The following THSD7A variants were observed in gnomAD, a reference collection of about 807,000 sequenced individuals.
THSD7A encodes thrombospondin type 1 domain containing 7A, also known as thrombospondin type-1 domain-containing protein 7A.
A neutral mutation model predicts 231.3 loss-of-function variants in THSD7A; 96 were observed. The observed-to-expected ratio is 0.41, with a 90% confidence interval of 0.35 to 0.49. The LOEUF (loss-of-function observed/expected upper bound fraction) is 0.49. THSD7A is among the 20% of genes least tolerant of loss of function. THSD7A has a pLI of 0.05. For synonymous variants in THSD7A, 940 were observed against 743.3 expected (o/e 1.26, Z -4.30); for missense variants, 2,290 against 2,070.2 (o/e 1.11, Z -2.06).
At chr7:11,633,178 A>G (rs1287598367) in intron 2 of THSD7A, among the ~76,000 whole-genome samples, 1 of 152,036 alleles carries the variant, frequency 6.6e-6, no homozygotes, top group African/African-American at 2.4e-5. Flanking sequence ...AGAAAACCAT[A>G]TTTCCTTTAA....
At chr7:11,483,416 G>A (rs367812383) in intron 6 of THSD7A, among the ~76,000 whole-genome samples, 12 of 151,932 alleles carry the variant, frequency 7.9e-5, no homozygotes, top group East Asian at 5.8e-4. Flanking sequence ...AGTAAAGAAG[G>A]CTCATTAAAA....
In THSD7A at chr7:11,406,374, CAGA is replaced by C; in HGVS notation, c.4160_4162del (p.Phe1387del). 1.9e-6 allele frequency: 3 copies of C among 1,613,962 alleles called. No individual in the cohort carries two copies. The highest frequency in any genetic ancestry group is 2.5e-6 in the Non-Finnish European group (3 of 1,179,848). On this transcript the variant is annotated inframe_deletion, in exon 22 of 28. Coordinates refer to ENST00000423059, the MANE Select transcript of THSD7A (RefSeq NM_015204.3). The surrounding 1 kb of genome is among the most constrained non-coding windows in gnomAD (Gnocchi z 4.7). ...ATCTATAATGAGTTCAATGTCAGCACAGAATTCCTCATCCACCACTTTGCTGAA... is the reference window on the plus strand; with the variant it reads ...ATCTATAATGAGTTCAATGTCAGCACATTCCTCATCCACCACTTTGCTGAA...
At chr7:11,600,797 C>A (rs1013964288) in intron 2 of THSD7A, among the ~76,000 whole-genome samples, 2 of 152,210 alleles carry the variant, frequency 1.3e-5, no homozygotes, top group Non-Finnish European at 2.9e-5. Context: ...CATGTTCAAT[C>A]TTCTTAATCC....
chr7:11,692,984 T>C (rs2128142448), intron 1 of THSD7A, among the ~76,000 whole-genome samples: 1 of 151,646 alleles, frequency 6.6e-6, no homozygotes, highest in South Asian at 2.1e-4. Context: ...TATCTCATGC[T>C]ATAAGGTTTT....
chr7:11,624,541 A>G (rs895017977), intron 2 of THSD7A, among the ~76,000 whole-genome samples: 1 of 152,104 alleles, frequency 6.6e-6, no homozygotes, highest in Admixed American at 6.6e-5. Flanking sequence ...ACCATACCCT[A>G]CTTAGGTAAG....
intron 1 of THSD7A, among the ~76,000 whole-genome samples, chr7:11,655,679 A>G (rs1782676256): frequency 6.6e-6 from 1 of 151,896 alleles, no homozygotes; most frequent in Non-Finnish European, 1.5e-5. Flanking sequence ...GACCACCTCC[A>G]TATATCTTTT....
chr7:11,752,265 A>T (rs79873245), intron 1 of THSD7A, among the ~76,000 whole-genome samples: 7,594 of 152,078 alleles, frequency 0.05, 211 homozygotes, highest in East Asian at 0.14. Context: ...TTTCAGTCTC[A>T]TGCACAAACA....
At chr7:11,647,601 T>G (rs989254402) in intron 1 of THSD7A, among the ~76,000 whole-genome samples, 8 of 152,072 alleles carry the variant, frequency 5.3e-5, no homozygotes, top group African/African-American at 1.7e-4. Context: ...TATATTCTTT[T>G]GAATAAAGCA....
At chr7:11,538,338 G>A (rs1166625146) in intron 6 of THSD7A, among the ~76,000 whole-genome samples, 1 of 152,046 alleles carries the variant, frequency 6.6e-6, no homozygotes, top group African/African-American at 2.4e-5. Flanking sequence ...AGGAAATATA[G>A]ACAGCATCAT....
chr7:11,732,369 A>G (rs142884626), intron 1 of THSD7A, among the ~76,000 whole-genome samples: 97 of 152,000 alleles, frequency 6.4e-4, no homozygotes, highest in Middle Eastern at 6.8e-3. Flanking sequence ...AAGTTCAGTC[A>G]GCCATGTGGC....
chr7:11,744,641 G>A (rs1177469021), intron 1 of THSD7A, among the ~76,000 whole-genome samples: 2 of 132,214 alleles, frequency 1.5e-5, no homozygotes, highest in Non-Finnish European at 3.0e-5. Flanking sequence ...CCATTCCTGT[G>A]TCCATGTGTT....
At chr7:11,761,386 A>G (rs1782851166) in intron 1 of THSD7A, among the ~76,000 whole-genome samples, 1 of 152,124 alleles carries the variant, frequency 6.6e-6, no homozygotes, top group Non-Finnish European at 1.5e-5. Flanking sequence ...AAATAGAATC[A>G]CTTATACAGT....
At chr7:11,737,635 C>G (rs1337052899) in intron 1 of THSD7A, among the ~76,000 whole-genome samples, 1 of 151,862 alleles carries the variant, frequency 6.6e-6, no homozygotes, top group African/African-American at 2.4e-5. Flanking sequence ...TTTCATAGGC[C>G]ATAACTTTGT....
chr7:11,545,238 A>G (rs1554335075), intron 4 of THSD7A, among the ~76,000 whole-genome samples: 3 of 152,076 alleles, frequency 2.0e-5, no homozygotes, highest in Non-Finnish European at 4.4e-5. Context: ...TAAAATCTCC[A>G]TTTTTTCCTT....
At chr7:11,709,437 T>C (rs1455300502) in intron 1 of THSD7A, among the ~76,000 whole-genome samples, 1 of 150,886 alleles carries the variant, frequency 6.6e-6, no homozygotes, top group East Asian at 2.0e-4. Context: ...TCTCATAATT[T>C]GGCCTGGTAA....
intron 2 of THSD7A, among the ~76,000 whole-genome samples, chr7:11,600,835 TC>T (rs1342500934): frequency 6.6e-5 from 10 of 152,188 alleles, no homozygotes; most frequent in African/African-American, 2.4e-4. Context: ...AAATTGCATT[TC>T]CAGGAGACAA....
At chr7:11,722,749 G>A (rs1473990221) in intron 1 of THSD7A, among the ~76,000 whole-genome samples, 5 of 152,036 alleles carry the variant, frequency 3.3e-5, no homozygotes, top group Non-Finnish European at 7.4e-5. Context: ...CTGGCCATCA[G>A]AGAAATGCAA....
chr7:11,403,892 C>T (rs951588035), intron 22 of THSD7A, among the ~76,000 whole-genome samples: 1 of 152,132 alleles, frequency 6.6e-6, no homozygotes. Flanking sequence ...CAATTAAACA[C>T]ATGAGATGTA....
intron 6 of THSD7A, among the ~76,000 whole-genome samples, chr7:11,502,169 C>A (rs1046205478): frequency 2.8e-4 from 42 of 151,946 alleles, no homozygotes; most frequent in African/African-American, 1.0e-3. Flanking sequence ...CAAAAAAGCC[C>A]AGGAGGACCT....
Sources: allele counts gnomAD v4.1 joint callset (sites outside exome capture counted in the v4.1 genomes callset), GRCh38; gene constraint gnomAD v4.1.1; non-coding constraint Gnocchi (gnomAD v3.1); transcripts MANE v1.5; gene names NCBI Gene and HGNC (gene_info 2026-07-23, HGNC 2026-07-21).